RANBP9: variants seen among roughly 807,000 people sequenced by gnomAD.
RANBP9 encodes ran-binding protein 9.
Under a neutral mutation model 84.3 loss-of-function variants are expected in RANBP9, and 15 were observed. The observed-to-expected ratio is 0.18, with a 90% CI of 0.12 to 0.27. The LOEUF (loss-of-function observed/expected upper bound fraction) is 0.27, where lower values mean the gene tolerates loss of function less well. RANBP9 is among the 10% of genes least tolerant of loss of function. The pLI is 1.00. For synonymous variants in RANBP9, 392 were observed against 349.6 expected (o/e 1.12, Z -1.35); for missense variants, 809 against 912.8 (o/e 0.89, Z 1.46).
intron 5 of RANBP9, among the ~76,000 whole-genome samples, chr6:13,652,338 G>A (rs1424704526): frequency 6.6e-6 from 1 of 152,150 alleles, no homozygotes; most frequent in African/African-American, 2.4e-5. Context: ...ATGAATAAAC[G>A]ATTATAACTG....
At chr6:13,633,053 G>C (rs1318215104) in intron 11 of RANBP9, among the ~76,000 whole-genome samples, 3 of 149,042 alleles carry the variant, frequency 2.0e-5, no homozygotes, top group Non-Finnish European at 4.5e-5. Context: ...TTTTTTTTTG[G>C]ATGGAGTCTC....
At chr6:13,629,278 G>A (rs1180311626) in intron 12 of RANBP9, among the ~76,000 whole-genome samples, 2 of 152,032 alleles carry the variant, frequency 1.3e-5, no homozygotes, top group South Asian at 2.1e-4. Flanking sequence ...ACCCAGCCTC[G>A]TGTAGTTATT....
In RANBP9 at chr6:13,670,110, T is replaced by A. The variant is rs567260662; in HGVS notation, c.684-11278A>T. The stretch of plus-strand genomic sequence containing the variant: ...GAGTTCAAGACCAGCCTAGCCGACA[T>A]AGCAAAAGCCCATCTGTACTAAAAA... On this transcript the variant is annotated intron_variant, in intron 2 of 13. Coordinates refer to ENST00000011619, the MANE Select transcript of RANBP9 (RefSeq NM_005493.3). Among the ~76,000 whole-genome samples, 5 of 152,112 alleles carry A rather than the reference T, an allele frequency of 3.3e-5. No individual in the cohort carries two copies. The East Asian group carries it at 7.8e-4, about 24-fold the overall frequency.
At chr6:13,656,385 T>C (rs1389100909) in intron 4 of RANBP9, among the ~76,000 whole-genome samples, 1 of 147,668 alleles carries the variant, frequency 6.8e-6, no homozygotes, top group Non-Finnish European at 1.5e-5. Flanking sequence ...TATTATCCTT[T>C]ATATTTTCTA....
intron 11 of RANBP9, among the ~76,000 whole-genome samples, chr6:13,633,858 A>G (rs1764860645): frequency 6.6e-6 from 1 of 152,162 alleles, no homozygotes; most frequent in Non-Finnish European, 1.5e-5. Context: ...TGCTGATGGG[A>G]CAGGCAATTT....
At chr6:13,635,359 A>T (rs1204125816) in intron 10 of RANBP9, among the ~76,000 whole-genome samples, 1 of 152,232 alleles carries the variant, frequency 6.6e-6, no homozygotes, top group Non-Finnish European at 1.5e-5. Context: ...GCAACAATAA[A>T]TATCTAATCT....
chr6:13,625,800 T>G (rs778322008), intron 12 of RANBP9, 36 bp from the exon 13 acceptor site: 4 of 1,388,638 alleles, frequency 2.9e-6, no homozygotes, highest in Non-Finnish European at 4.1e-6. Flanking sequence ...TTAATTCAAA[T>G]AGTTCAACTA....
chr6:13,624,703 C>T (rs376622032), intron 13 of RANBP9, among the ~76,000 whole-genome samples: 57 of 152,166 alleles, frequency 3.7e-4, no homozygotes, highest in African/African-American at 1.1e-3. Context: ...GAATGGCAAC[C>T]AAACGAACAT....
intron 1 of RANBP9, among the ~76,000 whole-genome samples, chr6:13,699,682 T>TGA (rs1290160712): frequency 6.6e-6 from 1 of 151,964 alleles, no homozygotes; most frequent in Non-Finnish European, 1.5e-5. Context: ...GCCAACATGG[T>TGA]GAAACCCTGT....
intron 2 of RANBP9, among the ~76,000 whole-genome samples, chr6:13,671,968 T>C (rs761164051): frequency 1.3e-5 from 2 of 152,022 alleles, no homozygotes; most frequent in Non-Finnish European, 2.9e-5. Flanking sequence ...TGAAGAAACA[T>C]GTGAATATAG....
intron 2 of RANBP9, among the ~76,000 whole-genome samples, chr6:13,684,274 C>CT (rs1001955776): frequency 3.9e-5 from 6 of 152,182 alleles, no homozygotes; most frequent in African/African-American, 1.4e-4. Context: ...ATGCCCTACA[C>CT]TTAGCCAAAT....
chr6:13,635,527 A>G (rs1764915781), intron 10 of RANBP9, among the ~76,000 whole-genome samples: 1 of 151,970 alleles, frequency 6.6e-6, no homozygotes. Context: ...AGCAAAAACC[A>G]CTATGCGTAA....
At chr6:13,676,661 T>C (rs915120130) in intron 2 of RANBP9, among the ~76,000 whole-genome samples, 2 of 151,908 alleles carry the variant, frequency 1.3e-5, no homozygotes, top group African/African-American at 4.8e-5. Context: ...AAAAGAACTA[T>C]ACACCAAGAC....
At chr6:13,700,620 A>G (rs1009167535) in intron 1 of RANBP9, among the ~76,000 whole-genome samples, 1 of 152,128 alleles carries the variant, frequency 6.6e-6, no homozygotes, top group Non-Finnish European at 1.5e-5. Context: ...TCTCCTGCAC[A>G]TTTACACACT....
chr6:13,646,961 AT>A (rs1486901544), intron 5 of RANBP9, among the ~76,000 whole-genome samples: 1 of 152,246 alleles, frequency 6.6e-6, no homozygotes, highest in Non-Finnish European at 1.5e-5. Flanking sequence ...TAAAAATAAA[AT>A]CAATTAAAAG....
chr6:13,637,621 C>T (rs1263469756), intron 10 of RANBP9, among the ~76,000 whole-genome samples, 187 bp downstream of exon 10: 3 of 152,118 alleles, frequency 2.0e-5, no homozygotes, highest in Admixed American at 6.5e-5. Flanking sequence ...GGAAAGAGCT[C>T]ATGTGCATAA....
intron 2 of RANBP9, among the ~76,000 whole-genome samples, chr6:13,666,084 T>C (rs1017630114): frequency 1.3e-5 from 2 of 152,080 alleles, no homozygotes; most frequent in African/African-American, 2.4e-5. Flanking sequence ...TATCAAAGAG[T>C]ACACTTAAGA....
intron 4 of RANBP9, among the ~76,000 whole-genome samples, chr6:13,655,209 C>T (rs779156811): frequency 1.7e-4 from 26 of 152,324 alleles, no homozygotes; most frequent in African/African-American, 3.4e-4. Context: ...CAGTGGCTCA[C>T]GCCTGTAATG....
chr6:13,624,942 G>C (rs879718521), intron 13 of RANBP9, among the ~76,000 whole-genome samples: 1 of 152,176 alleles, frequency 6.6e-6, no homozygotes, highest in African/African-American at 2.4e-5. Context: ...TGTGATACCA[G>C]TGGCTTAGGC....
Sources: gnomAD v4.1 joint callset for allele counts (sites outside exome capture counted in the v4.1 genomes callset) on GRCh38, gnomAD v4.1.1 for gene constraint, MANE v1.5 for transcripts, NCBI Gene and HGNC (gene_info 2026-07-23, HGNC 2026-07-21) for gene names.